Variants in GALNT18 observed in about 807,000 individuals in gnomAD.
GALNT18 encodes polypeptide N-acetylgalactosaminyltransferase 18, also known as GalNAc-transferase 18.
GALNT18 carries 44 observed loss-of-function variants against 69.5 expected under a neutral mutation model. The ratio of observed to expected loss-of-function variants is 0.63; its 90% confidence interval spans 0.50 to 0.81. The LOEUF (loss-of-function observed/expected upper bound fraction) is 0.81. Among genes scored for constraint, GALNT18 ranks in the 40% least tolerant of loss-of-function variants. The pLI is 0.00. For synonymous variants in GALNT18, 364 were observed against 318.2 expected, an observed-to-expected ratio of 1.14 and a Z score of -1.53; for missense variants, 715 against 810.0, an observed-to-expected ratio of 0.88 and a Z score of 1.42.
chr11:11,557,115 T>C (rs895161524), intron 1 of GALNT18, among the ~76,000 whole-genome samples: 1 of 152,186 alleles, frequency 6.6e-6, no homozygotes, highest in Non-Finnish European at 1.5e-5. Context: ...GCTGTCTTTA[T>C]GCTGTTTTAA....
chr11:11,329,708 A>T (rs1849986755), intron 8 of GALNT18, among the ~76,000 whole-genome samples: 1 of 152,212 alleles, frequency 6.6e-6, no homozygotes, highest in South Asian at 2.1e-4. Flanking sequence ...CATACAGGCC[A>T]GGCACAAAGG....
chr11:11,272,751 C>T (rs1848853127), intron 10 of GALNT18, among the ~76,000 whole-genome samples: 1 of 152,078 alleles, frequency 6.6e-6, no homozygotes, highest in African/African-American at 2.4e-5. Context: ...CCCACCTCCA[C>T]TTCCACCTCC....
intron 3 of GALNT18, among the ~76,000 whole-genome samples, chr11:11,401,029 C>A (rs138559456): frequency 6.6e-6 from 1 of 152,166 alleles, no homozygotes; most frequent in East Asian, 1.9e-4. Flanking sequence ...TGCTTGGATA[C>A]GGGACACAGG....
intron 10 of GALNT18, among the ~76,000 whole-genome samples, chr11:11,284,459 C>G (rs1849150127): frequency 6.6e-6 from 1 of 152,092 alleles, no homozygotes; most frequent in African/African-American, 2.4e-5. Context: ...GGTCTGGGAC[C>G]ACACTTTGAG....
chr11:11,468,655 C>A (rs1464143473), intron 1 of GALNT18, among the ~76,000 whole-genome samples: 1 of 152,082 alleles, frequency 6.6e-6, no homozygotes, highest in East Asian at 1.9e-4. Flanking sequence ...ATCTCAGGGA[C>A]TCTTCATTGA....
intron 10 of GALNT18, among the ~76,000 whole-genome samples, chr11:11,282,788 A>C (rs764776367): frequency 1.8e-4 from 27 of 152,346 alleles, no homozygotes; most frequent in Non-Finnish European, 3.2e-4. Context: ...CTACCATTCT[A>C]GGCCACTGAG....
chr11:11,365,723 G>T (rs1342564228), intron 6 of GALNT18, among the ~76,000 whole-genome samples: 1 of 152,088 alleles, frequency 6.6e-6, no homozygotes, highest in Non-Finnish European at 1.5e-5. Flanking sequence ...GTTTTGATTT[G>T]CATTTCAATA....
intron 9 of GALNT18, among the ~76,000 whole-genome samples, chr11:11,296,663 A>T (rs1485702769): frequency 6.6e-6 from 1 of 152,210 alleles, no homozygotes; most frequent in African/African-American, 2.4e-5. Context: ...GAGTTTAGGG[A>T]GATGCTGGGA....
chr11:11,502,936 T>A (rs921872449), intron 1 of GALNT18, among the ~76,000 whole-genome samples: 2 of 152,208 alleles, frequency 1.3e-5, no homozygotes, highest in South Asian at 4.1e-4. Flanking sequence ...TCTTGGGATA[T>A]TGGTCTGCCC....
At chr11:11,475,598 C>G (rs974442640) in intron 1 of GALNT18, 4 of 152,228 alleles carry the variant, frequency 2.6e-5, no homozygotes, top group African/African-American at 9.6e-5. Flanking sequence ...GCTGTTGCAT[C>G]TTGTTACTTA....
At chr11:11,420,321 C>G (rs1472287760) in intron 3 of GALNT18, among the ~76,000 whole-genome samples, 1 of 152,124 alleles carries the variant, frequency 6.6e-6, no homozygotes, top group Admixed American at 6.5e-5. Context: ...CCTCACCATC[C>G]AACAAGGAGG....
chr11:11,466,348 G>T (rs1442341882), intron 1 of GALNT18, among the ~76,000 whole-genome samples: 4 of 152,112 alleles, frequency 2.6e-5, no homozygotes, highest in Non-Finnish European at 4.4e-5. Context: ...AATAAATTAG[G>T]TATCACAAAT....
At chr11:11,409,573 T>A (rs945461243) in intron 3 of GALNT18, among the ~76,000 whole-genome samples, 3 of 152,110 alleles carry the variant, frequency 2.0e-5, no homozygotes, top group African/African-American at 7.2e-5. Flanking sequence ...TGTACCCAGA[T>A]AACTCCCCGT....
At chr11:11,545,266 A>C (rs1309899465) in intron 1 of GALNT18, among the ~76,000 whole-genome samples, 1 of 152,242 alleles carries the variant, frequency 6.6e-6, no homozygotes, top group African/African-American at 2.4e-5. Context: ...CGCTTTCATA[A>C]AAGTAAAGAA....
intron 3 of GALNT18, among the ~76,000 whole-genome samples, chr11:11,409,404 T>A (rs1854675749): frequency 6.6e-6 from 1 of 152,164 alleles, no homozygotes; most frequent in Non-Finnish European, 1.5e-5. Flanking sequence ...CACAGTCTGG[T>A]CTGGCTAAAG....
intron 1 of GALNT18, among the ~76,000 whole-genome samples, chr11:11,539,415 G>A (rs926153914): frequency 1.3e-5 from 2 of 152,200 alleles, no homozygotes; most frequent in Non-Finnish European, 2.9e-5. Context: ...GAGTGAGCAG[G>A]TCGCTTTCCT....
chr11:11,429,223 CT>C (rs1418176779), intron 3 of GALNT18, among the ~76,000 whole-genome samples: 1 of 152,202 alleles, frequency 6.6e-6, no homozygotes, highest in African/African-American at 2.4e-5. Context: ...ATAGACAGTT[CT>C]CTTATTCCTG....
At chr11:11,414,692 G>A (rs1854812448) in intron 3 of GALNT18, among the ~76,000 whole-genome samples, 1 of 152,166 alleles carries the variant, frequency 6.6e-6, no homozygotes, top group South Asian at 2.1e-4. Flanking sequence ...ACTACGCTGG[G>A]AGCTCTGTAA....
At position 11,614,860 on chromosome 11, in the gene GALNT18, G is replaced by T. The variant is rs1031106773; in HGVS notation, c.235+6499C>A. ...CAATTTATGTCAAGTGAGTGGGAAAGAATGTGGAATTCATTTATTTTACAG... is the reference window on the plus strand; with the variant it reads ...CAATTTATGTCAAGTGAGTGGGAAATAATGTGGAATTCATTTATTTTACAG... On this transcript the variant is annotated intron_variant, in intron 1 of 10. Transcript: ENST00000227756. The surrounding 1 kb of genome is among the most constrained non-coding windows in gnomAD (Gnocchi z 5.6). Among the ~76,000 whole-genome samples the T allele has an allele frequency of 6.6e-6, 1 of 152,196 alleles. No homozygotes were observed. Among genetic ancestry groups the T allele is most frequent in the East Asian group, 1.9e-4 (1 of 5,192 alleles).
Sources: gnomAD v4.1 joint callset for allele counts (sites outside exome capture counted in the v4.1 genomes callset) on GRCh38, gnomAD v4.1.1 for gene constraint, Gnocchi (gnomAD v3.1) non-coding constraint, MANE v1.5 for transcripts, NCBI Gene and HGNC (gene_info 2026-07-23, HGNC 2026-07-21) for gene names.